RXRG: variants seen among roughly 807,000 people sequenced by gnomAD.
RXRG encodes the protein retinoid X receptor gamma, also known as retinoic acid receptor RXR-gamma.
In RXRG, 19 loss-of-function variants were observed where a neutral mutation model predicts 49.2. The ratio of observed to expected loss-of-function variants is 0.39; its 90% CI spans 0.27 to 0.57. RXRG has a LOEUF of 0.57. Among genes scored for constraint, RXRG ranks in the 20% least tolerant of loss-of-function variants. The pLI, the probability that RXRG is intolerant of heterozygous loss-of-function variation, is 0.64. For missense variants in RXRG, 452 were observed against 592.5 expected, an observed-to-expected ratio of 0.76 and a Z score of 2.46; for synonymous variants, 224 against 216.6, an observed-to-expected ratio of 1.03 and a Z score of -0.30.
At chr1:165,441,069 T>A (rs1485577802) in intron 1 of RXRG, among the ~76,000 whole-genome samples, 1 of 152,246 alleles carries the variant, frequency 6.6e-6, no homozygotes, top group Non-Finnish European at 1.5e-5. Flanking sequence ...TACACACATG[T>A]GCACACGCAC....
chr1:165,422,386 A>G (rs1233389781), intron 2 of RXRG, among the ~76,000 whole-genome samples: 2 of 152,254 alleles, frequency 1.3e-5, no homozygotes, highest in African/African-American at 4.8e-5. Flanking sequence ...GCCTCAAGGA[A>G]TTGGCCATTA....
At chr1:165,439,879 G>T (rs1407455703) in intron 1 of RXRG, among the ~76,000 whole-genome samples, 1 of 152,220 alleles carries the variant, frequency 6.6e-6, no homozygotes, top group Non-Finnish European at 1.5e-5. Context: ...TGAATATGCT[G>T]ATAATAATTC....
Position 165,431,999 on chromosome 1 carries a change from T to C in RXRG, c.50-3033A>G, listed in dbSNP as rs565885815. Reference sequence around the variant, plus strand: ...AGAAAAAGTCTAAGTACAGAGGATATATAAAATATCATGAAAATAGTATGC... The same window carrying C: ...AGAAAAAGTCTAAGTACAGAGGATACATAAAATATCATGAAAATAGTATGC... On this transcript the variant is annotated intron_variant, in intron 1 of 9. Transcript: ENST00000359842. Among the ~76,000 whole-genome samples the C allele has an allele frequency of 2.0e-5, 3 of 152,296 alleles. No individual in the cohort carries two copies. The South Asian group carries it at 6.2e-4, about 32-fold the overall frequency.
chr1:165,417,656 A>G (rs1205394494), intron 3 of RXRG, among the ~76,000 whole-genome samples: 1 of 152,216 alleles, frequency 6.6e-6, no homozygotes, highest in Admixed American at 6.5e-5. Context: ...GTTCTTAGGA[A>G]ACCTATTTAA....
At chr1:165,431,028 T>C (rs1249294047) in intron 1 of RXRG, among the ~76,000 whole-genome samples, 1 of 152,234 alleles carries the variant, frequency 6.6e-6, no homozygotes, top group Non-Finnish European at 1.5e-5. Flanking sequence ...TTTGTTATAC[T>C]GTATCACTAT....
chr1:165,401,540 G>T, intron 9 of RXRG, 130 bp from the exon 10 acceptor site: 1 of 974,602 alleles, frequency 1.0e-6, no homozygotes, highest in Non-Finnish European at 1.5e-6. Flanking sequence ...GGTAGACAAG[G>T]GGGTCACAGA....
chr1:165,412,965 CTAAGT>C (rs976741847), intron 4 of RXRG, among the ~76,000 whole-genome samples: 7 of 152,190 alleles, frequency 4.6e-5, no homozygotes, highest in African/African-American at 1.7e-4. Context: ...GGAAAGCAAA[CTAAGT>C]TAAGTTTCAT....
At chr1:165,404,178 C>T (rs970604117) in intron 9 of RXRG, among the ~76,000 whole-genome samples, 8 of 152,192 alleles carry the variant, frequency 5.3e-5, no homozygotes, top group Non-Finnish European at 1.2e-4. Flanking sequence ...CTCAGCACAC[C>T]CACATGCCTG....
intron 6 of RXRG, among the ~76,000 whole-genome samples, chr1:165,410,203 C>T (rs1657899500): frequency 6.6e-6 from 1 of 152,188 alleles, no homozygotes; most frequent in Non-Finnish European, 1.5e-5. Flanking sequence ...AGCCAATCTT[C>T]ATGAAATTTC....
At chr1:165,417,318 A>G (rs1472770004) in intron 3 of RXRG, 98 bp from the exon 4 acceptor site, 1 of 1,176,576 alleles carries the variant, frequency 8.5e-7, no homozygotes. Context: ...AGAAACAGGC[A>G]TATCACTTGG....
rs118025537 is a variant in RXRG, at chr1:165,407,286, T to A, written c.1139-369A>T. On this transcript the variant is annotated intron_variant, in intron 8 of 9. Transcript: ENST00000359842. ...GGCACGAAAGCTGAATTGGCACATG[T>A]CCTGCATTGATGAACTAACTGCCTA... is the stretch of plus-strand genomic sequence containing the variant. 9.4e-3 allele frequency among the ~76,000 whole-genome samples: 1,432 copies of A among 152,366 alleles called. 75 individuals carry two copies. In the South Asian group the frequency reaches 0.14, roughly 15 times the overall value.
intron 4 of RXRG, among the ~76,000 whole-genome samples, chr1:165,412,440 G>GA (rs763017403): frequency 2.0e-5 from 3 of 151,930 alleles, no homozygotes; most frequent in East Asian, 1.9e-4. Flanking sequence ...GAAAAGAGGG[G>GA]AAAAAACCTG....
At chr1:165,438,555 A>G (rs1269506000) in intron 1 of RXRG, among the ~76,000 whole-genome samples, 1 of 152,214 alleles carries the variant, frequency 6.6e-6, no homozygotes, top group African/African-American at 2.4e-5. Context: ...TAACCCAATG[A>G]TTGGTATGGA....
intron 1 of RXRG, among the ~76,000 whole-genome samples, chr1:165,434,586 G>A (rs3767359): frequency 6.6e-6 from 1 of 152,162 alleles, no homozygotes; most frequent in African/African-American, 2.4e-5. Flanking sequence ...ATTGATAACG[G>A]CTAATGCCCA....
intron 9 of RXRG, among the ~76,000 whole-genome samples, chr1:165,402,720 G>A (rs1406035830): frequency 6.6e-6 from 1 of 151,026 alleles, no homozygotes; most frequent in Non-Finnish European, 1.5e-5. Flanking sequence ...ACATGTGCCT[G>A]CACACACACC....
intron 9 of RXRG, 40 bp from the exon 10 acceptor site, chr1:165,401,450 A>C (rs750406603): frequency 6.2e-7 from 1 of 1,610,844 alleles, no homozygotes; most frequent in South Asian, 1.1e-5. Flanking sequence ...AGGGACGGGC[A>C]GGCACTGCAC....
At chr1:165,440,450 C>G (rs12093563) in intron 1 of RXRG, among the ~76,000 whole-genome samples, 2 of 152,086 alleles carry the variant, frequency 1.3e-5, no homozygotes, top group Admixed American at 1.3e-4. Flanking sequence ...ATTATACTTA[C>G]CAATTGAGCA....
chr1:165,410,643 A>G, intron 6 of RXRG, 59 bp downstream of exon 6: 1 of 1,599,238 alleles, frequency 6.3e-7, no homozygotes, highest in African/African-American at 1.3e-5. Context: ...TACTTTTTTT[A>G]GGATCCCAAG....
In RXRG at chr1:165,404,261, G is replaced by T. The variant is rs563214407; in HGVS notation, c.1244+2551C>A. 3.3e-5 allele frequency among the ~76,000 whole-genome samples: 5 copies of T among 152,336 alleles called. No homozygotes were observed. In the East Asian group the frequency reaches 7.7e-4, roughly 24 times the overall value. On this transcript the variant is annotated intron_variant, in intron 9 of 9. Coordinates refer to ENST00000359842, the MANE Select transcript of RXRG (RefSeq NM_006917.5). ...ATCAGGGCAGTCAGCCTCAGTCCAA[G>T]CTGTGATGGACAAACCCAGGAGACT...
Sources: gnomAD v4.1 joint callset for allele counts (sites outside exome capture counted in the v4.1 genomes callset) on GRCh38, gnomAD v4.1.1 for gene constraint, MANE v1.5 for transcripts, NCBI Gene and HGNC (gene_info 2026-07-23, HGNC 2026-07-21) for gene names.